Variants in INTS15 observed in about 807,000 individuals in gnomAD.
INTS15 encodes uncharacterized protein C7orf26.
At chr7:6,595,431 C>T in the INTS15 span, among the ~76,000 whole-genome samples, 13 of 152,196 alleles carry the variant, frequency 8.5e-5, no homozygotes, top group South Asian at 1.0e-3. Context: ...CCTAAAGTGT[C>T]GGCATTACAG....
At chr7:6,595,897 T>C in the INTS15 span, among the ~76,000 whole-genome samples, 1 of 152,136 alleles carries the variant, frequency 6.6e-6, no homozygotes. Context: ...TCCTCTGCCC[T>C]TGGCTGTTGC....
chr7:6,591,296 C>G, the INTS15 span, among the ~76,000 whole-genome samples: 1 of 140,160 alleles, frequency 7.1e-6, no homozygotes, highest in African/African-American at 2.7e-5. Context: ...GAGACGGAGT[C>G]TCACTCTGTC....
chr7:6,602,324 C>T, the INTS15 span: 3 of 556,872 alleles, frequency 5.4e-6, no homozygotes, highest in Non-Finnish European at 9.5e-6. Flanking sequence ...GAAAAATGGT[C>T]ATCTTGCTGG....
the INTS15 span, among the ~76,000 whole-genome samples, chr7:6,599,062 G>A: frequency 3.3e-5 from 5 of 152,078 alleles, no homozygotes; most frequent in Admixed American, 2.0e-4. Context: ...TGCTGGGATT[G>A]CAGGTGTGAG....
At chr7:6,598,772 TG>T in the INTS15 span, among the ~76,000 whole-genome samples, 1 of 107,312 alleles carries the variant, frequency 9.3e-6, no homozygotes, top group Non-Finnish European at 1.8e-5. Flanking sequence ...TGTGTGTGTG[TG>T]TGTGTGTGTG....
chr7:6,591,850 G>T, the INTS15 span: 19 of 1,613,992 alleles, frequency 1.2e-5, no homozygotes, highest in Non-Finnish European at 1.6e-5. Flanking sequence ...GTTGGAGTGT[G>T]CTGCCTCCTG....
the INTS15 span, chr7:6,590,052 C>G: frequency 3.9e-6 from 1 of 258,334 alleles, no homozygotes; most frequent in Non-Finnish European, 7.2e-6. Flanking sequence ...GCGGCGGCAG[C>G]TCCCGGCGGC....
chr7:6,596,347 C>T, the INTS15 span, among the ~76,000 whole-genome samples: 207 of 151,352 alleles, frequency 1.4e-3, 11 homozygotes, highest in Middle Eastern at 3.4e-3. Context: ...AGCCACTGCG[C>T]CCAGCCGAGC....
the INTS15 span, among the ~76,000 whole-genome samples, chr7:6,595,274 T>C: frequency 1.3e-5 from 2 of 152,148 alleles, no homozygotes; most frequent in African/African-American, 4.8e-5. Context: ...CAAGCAATTC[T>C]CCCTCAGCCT....
At chr7:6,608,296 C>T in the INTS15 span, 1 of 1,450,258 alleles carries the variant, frequency 6.9e-7, no homozygotes, top group Non-Finnish European at 9.1e-7. Flanking sequence ...GTCTTGGTGT[C>T]ACGGAGTCCA....
the INTS15 span, among the ~76,000 whole-genome samples, chr7:6,595,814 C>T: frequency 6.6e-6 from 1 of 152,174 alleles, no homozygotes; most frequent in Non-Finnish European, 1.5e-5. Context: ...TTCCAGGTTG[C>T]TGGGACTGTA....
chr7:6,594,559 A>G, the INTS15 span: 1 of 1,614,126 alleles, frequency 6.2e-7, no homozygotes, highest in Non-Finnish European at 8.5e-7. Flanking sequence ...TTCTGCTGCC[A>G]GTTCATCACC....
chr7:6,590,209 C>A, the INTS15 span: 1 of 1,305,136 alleles, frequency 7.7e-7, no homozygotes, highest in Non-Finnish European at 9.9e-7. Flanking sequence ...TCTTTGTTTC[C>A]ACGGGTAGCG....
chr7:6,608,083 C>A, the INTS15 span: 1 of 1,542,810 alleles, frequency 6.5e-7, no homozygotes, highest in Non-Finnish European at 8.8e-7. Flanking sequence ...CCCACCCCGC[C>A]GCCCACCCCG....
the INTS15 span, among the ~76,000 whole-genome samples, chr7:6,607,206 C>T: frequency 1.3e-5 from 2 of 152,058 alleles, no homozygotes; most frequent in Non-Finnish European, 2.9e-5. The surrounding 1 kb of genome is among the most constrained non-coding windows in gnomAD (Gnocchi z 6.0). Flanking sequence ...AGGGACCCAG[C>T]GTTGGAAAGC....
At chr7:6,594,610 A>G in the INTS15 span, 1 of 1,613,420 alleles carries the variant, frequency 6.2e-7, no homozygotes, top group South Asian at 1.1e-5. Flanking sequence ...GGTAAACTTT[A>G]AACAGGTTAT....
At chr7:6,590,210 A>C in the INTS15 span, 1 of 1,300,660 alleles carries the variant, frequency 7.7e-7, no homozygotes, top group Non-Finnish European at 9.9e-7. Flanking sequence ...CTTTGTTTCC[A>C]CGGGTAGCGG....
chr7:6,593,979 CT>C, the INTS15 span, among the ~76,000 whole-genome samples: 8 of 147,036 alleles, frequency 5.4e-5, no homozygotes, highest in Non-Finnish European at 1.2e-4. Flanking sequence ...TTGCCCACCC[CT>C]GCTTCAGTGT....
the INTS15 span, chr7:6,600,259 C>T: frequency 1.6e-4 from 255 of 1,614,072 alleles, no homozygotes; most frequent in Non-Finnish European, 2.0e-4. Flanking sequence ...ATGAACTGAA[C>T]CCCCTCAACG....
Sources: gnomAD v4.1 joint callset for allele counts (sites outside exome capture counted in the v4.1 genomes callset) on GRCh38, gnomAD v4.1.1 for gene constraint, Gnocchi (gnomAD v3.1) non-coding constraint, MANE v1.5 for transcripts, NCBI Gene and HGNC (gene_info 2026-07-23, HGNC 2026-07-21) for gene names.